The following ANAPC10 variants were observed in gnomAD, a reference collection of about 807,000 sequenced individuals.
The protein encoded by ANAPC10 is anaphase promoting complex subunit 10, also known as anaphase-promoting complex subunit 10.
In ANAPC10, 12 loss-of-function variants were observed where a neutral mutation model predicts 22.0. The ratio of observed to expected loss-of-function variants is 0.55; its 90% CI spans 0.35 to 0.88. The LOEUF (loss-of-function observed/expected upper bound fraction) is 0.88. ANAPC10 is among the 40% of genes least tolerant of loss of function. The pLI, the probability that ANAPC10 is intolerant of heterozygous loss-of-function variation, is 0.01. For synonymous variants in ANAPC10, 65 were observed against 69.5 expected (o/e 0.94, Z 0.32); for missense variants, 188 against 220.9 (o/e 0.85, Z 0.94).
chr4:145,097,535 T>C (rs1437362677), intron 1 of ANAPC10: 1 of 1,287,246 alleles, frequency 7.8e-7, no homozygotes, highest in East Asian at 5.5e-5. Context: ...AGTTGTTCTT[T>C]AATCGGCACA....
At chr4:145,010,429 A>T (rs1309292274) in intron 4 of ANAPC10, among the ~76,000 whole-genome samples, 1 of 152,114 alleles carries the variant, frequency 6.6e-6, no homozygotes, top group African/African-American at 2.4e-5. Flanking sequence ...AACCCAAATG[A>T]CCATCGGTGA....
chr4:145,061,900 G>A (rs528005718), intron 4 of ANAPC10, among the ~76,000 whole-genome samples: 1 of 151,614 alleles, frequency 6.6e-6, no homozygotes, highest in East Asian at 2.0e-4. Context: ...TTGAGGTCAG[G>A]AGTTTGAGAT....
At chr4:145,042,164 A>G (rs1739611864) in intron 4 of ANAPC10, among the ~76,000 whole-genome samples, 1 of 152,174 alleles carries the variant, frequency 6.6e-6, no homozygotes, top group South Asian at 2.1e-4. Context: ...ACATTTCACA[A>G]GTTTGCTGCC....
chr4:145,080,113 C>CAAAAAAAAAAAAAAA (rs70956824), intron 3 of ANAPC10, among the ~76,000 whole-genome samples: 1 of 26,790 alleles, frequency 3.7e-5, no homozygotes, highest in Non-Finnish European at 6.3e-5. Context: ...GACTCTGTCT[C>CAAAAAAAAAAAAAAA]AAAAAAAAAA....
At position 145,031,610 on chromosome 4, in the gene ANAPC10, A is replaced by C. The variant is rs1012690470; in HGVS notation, c.327+32962T>G. Reference sequence around the variant, plus strand: ...GGTCCAGAACAGGAGAAGGCTCTGCAACAGGTCCAGGCTGCTGTGCAAGCT... The same window carrying C: ...GGTCCAGAACAGGAGAAGGCTCTGCCACAGGTCCAGGCTGCTGTGCAAGCT... On this transcript the variant is annotated intron_variant, in intron 4 of 4. Transcript: ENST00000507656. 1.5e-4 allele frequency among the ~76,000 whole-genome samples: 23 copies of C among 152,214 alleles called. 1 individual carries two copies. Among genetic ancestry groups the C allele is most frequent in the Non-Finnish European group, 4.4e-5 (3 of 68,036 alleles).
At chr4:144,999,168 G>A (rs183713199) in intron 4 of ANAPC10, 1 of 152,436 alleles carries the variant, frequency 6.6e-6, no homozygotes, top group East Asian at 1.9e-4. Context: ...TGGATTAAGA[G>A]ACGAATTCTA....
intron 4 of ANAPC10, 68 bp downstream of exon 4, chr4:145,064,504 A>G (rs1228112945): frequency 7.6e-7 from 1 of 1,312,232 alleles, no homozygotes; most frequent in African/African-American, 1.5e-5. Flanking sequence ...ATGTAATGTC[A>G]ACTGTGACTA....
chr4:145,050,740 G>A lies in ANAPC10; in HGVS notation c.327+13832C>T, dbSNP rs149815066. On this transcript the variant is annotated intron_variant, in intron 4 of 4. Coordinates refer to ENST00000507656, the MANE Select transcript of ANAPC10 (RefSeq NM_001256706.2). ...CACTGAAACCTCATGAACCAACCTC[G>A]GCTAGTTTCAAGCTTTTCTTCTGTA... Among the ~76,000 whole-genome samples, 685 of 152,192 alleles carry A rather than the reference G, an allele frequency of 4.5e-3. 9 individuals carry two copies. The highest frequency in any genetic ancestry group is 0.015 in the African/African-American group (624 of 41,490).
At chr4:145,082,200 A>G (rs1458623243) in intron 2 of ANAPC10, among the ~76,000 whole-genome samples, 1 of 152,248 alleles carries the variant, frequency 6.6e-6, no homozygotes, top group Non-Finnish European at 1.5e-5. Context: ...CCCAAGCTGG[A>G]GTGCAATGGC....
chr4:145,011,771 T>G (rs1217501557), intron 4 of ANAPC10, among the ~76,000 whole-genome samples: 1 of 152,184 alleles, frequency 6.6e-6, no homozygotes. Flanking sequence ...TGCCACATTC[T>G]GAAGTTGCCT....
At chr4:145,082,504 G>C (rs188527990) in intron 2 of ANAPC10, among the ~76,000 whole-genome samples, 4 of 152,264 alleles carry the variant, frequency 2.6e-5, no homozygotes, top group Admixed American at 2.6e-4. Context: ...CTTTTTGCAA[G>C]CTGATAGTAA....
At chr4:145,070,843 C>T (rs1744387527) in intron 3 of ANAPC10, among the ~76,000 whole-genome samples, 1 of 152,176 alleles carries the variant, frequency 6.6e-6, no homozygotes, top group African/African-American at 2.4e-5. Context: ...CATGCTACAA[C>T]ATGAATGAAC....
chr4:145,004,240 C>A lies in ANAPC10; in HGVS notation c.328-8637G>T, dbSNP rs144398240. 7.2e-5 allele frequency among the ~76,000 whole-genome samples: 11 copies of A among 152,186 alleles called. No individual in the cohort carries two copies. The East Asian group carries it at 2.1e-3, about 29-fold the overall frequency. ...TTTATCAGATCAAGGAGCTTTGGGGCAGAGTAACTATGGTGTTTGTGTAGG... is the reference window on the plus strand; with the variant it reads ...TTTATCAGATCAAGGAGCTTTGGGGAAGAGTAACTATGGTGTTTGTGTAGG... On this transcript the variant is annotated intron_variant, in intron 4 of 4. Transcript: ENST00000507656.
intron 3 of ANAPC10, among the ~76,000 whole-genome samples, 192 bp from the exon 4 acceptor site, chr4:145,064,884 A>G (rs1743446221): frequency 6.6e-6 from 1 of 151,934 alleles, no homozygotes; most frequent in Non-Finnish European, 1.5e-5. Context: ...ATATAGGCCC[A>G]GATAATATGT....
intron 3 of ANAPC10, among the ~76,000 whole-genome samples, chr4:145,065,487 C>G (rs1320825587): frequency 6.6e-6 from 1 of 152,032 alleles, no homozygotes; most frequent in Non-Finnish European, 1.5e-5. Context: ...CTTTGACCTA[C>G]TAATTCAAAC....
chr4:145,017,294 C>G (rs1477536697), intron 4 of ANAPC10, among the ~76,000 whole-genome samples: 1 of 152,048 alleles, frequency 6.6e-6, no homozygotes, highest in East Asian at 1.9e-4. Context: ...ACAACCCCAT[C>G]AAAAAGTGGG....
intron 4 of ANAPC10, among the ~76,000 whole-genome samples, chr4:145,026,493 A>G (rs960999090): frequency 1.3e-5 from 2 of 152,154 alleles, no homozygotes; most frequent in Non-Finnish European, 2.9e-5. Flanking sequence ...AGGTGGTCAG[A>G]ATAGGCCTCA....
chr4:145,075,638 G>A (rs1745083317), intron 3 of ANAPC10, among the ~76,000 whole-genome samples: 1 of 152,168 alleles, frequency 6.6e-6, no homozygotes, highest in Non-Finnish European at 1.5e-5. Flanking sequence ...ACTCATTTCT[G>A]GCCCTGAGCA....
chr4:145,053,047 C>A (rs564548917), intron 4 of ANAPC10, among the ~76,000 whole-genome samples: 1 of 152,140 alleles, frequency 6.6e-6, no homozygotes, highest in East Asian at 1.9e-4. Flanking sequence ...CCCTAAGAAA[C>A]CTTATCCTGA....
Sources: allele counts gnomAD v4.1 joint callset (sites outside exome capture counted in the v4.1 genomes callset), GRCh38; gene constraint gnomAD v4.1.1; transcripts MANE v1.5; gene names NCBI Gene and HGNC (gene_info 2026-07-23, HGNC 2026-07-21).